The following PLD1 variants were observed in gnomAD, a reference collection of about 807,000 sequenced individuals.
PLD1 encodes phospholipase D1.
A neutral mutation model predicts 137.1 loss-of-function variants in PLD1; 112 were observed. The ratio of observed to expected loss-of-function variants is 0.82; its 90% CI spans 0.70 to 0.96. The LOEUF (loss-of-function observed/expected upper bound fraction) is 0.96, where lower values mean the gene tolerates loss of function less well. PLD1 is among the 40% of genes least tolerant of loss of function. The pLI is 0.00. For synonymous variants in PLD1, 431 were observed against 454.7 expected (o/e 0.95, Z 0.66); for missense variants, 1,321 against 1,342.0 (o/e 0.98, Z 0.24).
intron 16 of PLD1, among the ~76,000 whole-genome samples, chr3:171,680,931 T>C (rs1041425720): frequency 6.6e-6 from 1 of 152,208 alleles, no homozygotes; most frequent in African/African-American, 2.4e-5. Context: ...GTCTCTACTA[T>C]AAACGCTATA....
chr3:171,671,123 C>T (rs1712699984), intron 19 of PLD1, among the ~76,000 whole-genome samples: 1 of 152,206 alleles, frequency 6.6e-6, no homozygotes, highest in African/African-American at 2.4e-5. Flanking sequence ...AATCTTCATA[C>T]CACACCACCT....
At chr3:171,737,739 C>T (rs912642120) in intron 2 of PLD1, 80 bp from the exon 3 acceptor site, 11 of 1,271,492 alleles carry the variant, frequency 8.7e-6, no homozygotes, top group East Asian at 7.1e-5. Context: ...TTAAGAATCA[C>T]GTGTTAAAAC....
chr3:171,674,623 A>T lies in PLD1; in HGVS notation c.2116-10T>A. On this transcript the variant is annotated splice_polypyrimidine_tract_variant and intron_variant, in intron 18 of 26. Coordinates refer to ENST00000351298, the MANE Select transcript of PLD1 (RefSeq NM_002662.5). ...ATTTTGATTTCATAATCTAAAATAA[A>T]GAAAAAGGATAAAATATTCAAATGA... 7.4e-7 allele frequency: 1 copy of T among 1,349,408 alleles called. No individual in the cohort carries two copies. Among genetic ancestry groups the T allele is most frequent in the Non-Finnish European group, 1.1e-6 (1 of 946,498 alleles). The allele number at this position is 1,349,408 out of a possible 1,614,324, so 83.6% of individuals were successfully genotyped here.
intron 11 of PLD1, among the ~76,000 whole-genome samples, chr3:171,707,049 A>T (rs1247539724): frequency 6.6e-6 from 1 of 152,234 alleles, no homozygotes; most frequent in South Asian, 2.1e-4. Flanking sequence ...CATTATCCTT[A>T]GAAAACTAAC....
intron 19 of PLD1, among the ~76,000 whole-genome samples, chr3:171,662,786 C>G (rs1039575635): frequency 1.3e-5 from 2 of 152,190 alleles, no homozygotes; most frequent in African/African-American, 2.4e-5. Flanking sequence ...TGTTCCATGG[C>G]ACGCCACTTT....
intron 1 of PLD1, among the ~76,000 whole-genome samples, chr3:171,769,111 C>T (rs778193255): frequency 2.0e-5 from 3 of 152,084 alleles, no homozygotes; most frequent in Admixed American, 6.6e-5. Flanking sequence ...AACATTTTAA[C>T]GTGTATATTC....
chr3:171,637,742 G>T (rs1246456372), intron 23 of PLD1, among the ~76,000 whole-genome samples: 1 of 152,094 alleles, frequency 6.6e-6, no homozygotes, highest in African/African-American at 2.4e-5. Flanking sequence ...AGGCTATATG[G>T]TATAGATTAT....
intron 21 of PLD1, among the ~76,000 whole-genome samples, chr3:171,656,589 G>C (rs1301851779): frequency 6.6e-6 from 1 of 152,226 alleles, no homozygotes; most frequent in South Asian, 2.1e-4. Flanking sequence ...AAAATACCGG[G>C]GCCAGGCCCC....
intron 1 of PLD1, among the ~76,000 whole-genome samples, chr3:171,800,632 C>T (rs374204050): frequency 4.6e-5 from 7 of 152,340 alleles, no homozygotes; most frequent in East Asian, 3.9e-4. Flanking sequence ...CCAATCTCTA[C>T]TCCAATGCCA....
intron 1 of PLD1, among the ~76,000 whole-genome samples, chr3:171,807,872 A>G (rs1176538967): frequency 1.3e-5 from 2 of 152,258 alleles, no homozygotes; most frequent in African/African-American, 2.4e-5. Flanking sequence ...GTCCATATGC[A>G]TCATAGAATA....
intron 1 of PLD1, among the ~76,000 whole-genome samples, chr3:171,764,962 GAAA>G (rs1163786699): frequency 1.2e-4 from 7 of 56,848 alleles, no homozygotes; most frequent in South Asian, 5.8e-4. Flanking sequence ...AAGAAAGAAA[GAAA>G]GAAAGAAAGA....
chr3:171,626,116 C>T (rs537485100), intron 23 of PLD1, among the ~76,000 whole-genome samples: 86 of 152,148 alleles, frequency 5.7e-4, no homozygotes, highest in Non-Finnish European at 9.1e-4. Context: ...AAAATTCAGA[C>T]GAATGTATAA....
chr3:171,679,281 A>T (rs1713709429), intron 16 of PLD1, among the ~76,000 whole-genome samples: 1 of 152,240 alleles, frequency 6.6e-6, no homozygotes, highest in South Asian at 2.1e-4. Flanking sequence ...AGGCTATTAA[A>T]GTTTTCTACA....
At chr3:171,808,333 G>C (rs1262070837) in intron 1 of PLD1, among the ~76,000 whole-genome samples, 1 of 151,912 alleles carries the variant, frequency 6.6e-6, no homozygotes, top group Non-Finnish European at 1.5e-5. Context: ...TCAGGAAATC[G>C]AGACCATCCT....
intron 1 of PLD1, among the ~76,000 whole-genome samples, chr3:171,797,630 TA>T (rs146816959): frequency 0.12 from 18,673 of 149,990 alleles, 1,218 homozygotes; most frequent in Middle Eastern, 0.21. Context: ...AGGTTGTCTT[TA>T]AAAAAAAAAT....
intron 23 of PLD1, among the ~76,000 whole-genome samples, chr3:171,626,186 C>G (rs189697241): frequency 6.6e-6 from 1 of 152,122 alleles, no homozygotes; most frequent in Admixed American, 6.5e-5. Context: ...AGCCAAGGCT[C>G]GAGAACTACA....
intron 8 of PLD1, among the ~76,000 whole-genome samples, chr3:171,717,230 C>A (rs906472586): frequency 2.0e-5 from 3 of 152,060 alleles, no homozygotes; most frequent in Non-Finnish European, 4.4e-5. Context: ...ATAGTTTTTT[C>A]TAGTTTTGTG....
At chr3:171,723,566 C>A (rs941822966) in intron 8 of PLD1, among the ~76,000 whole-genome samples, 1 of 152,066 alleles carries the variant, frequency 6.6e-6, no homozygotes. Flanking sequence ...CCGTAGTCGT[C>A]GTACTAATTT....
intron 1 of PLD1, among the ~76,000 whole-genome samples, chr3:171,801,461 C>T (rs577965426): frequency 9.6e-4 from 146 of 152,368 alleles, no homozygotes; most frequent in African/African-American, 3.5e-3. Flanking sequence ...CGGAGTCTCG[C>T]TCTGTCACCC....
Sources: gnomAD v4.1 joint callset for allele counts (sites outside exome capture counted in the v4.1 genomes callset) on GRCh38, gnomAD v4.1.1 for gene constraint, MANE v1.5 for transcripts, NCBI Gene and HGNC (gene_info 2026-07-23, HGNC 2026-07-21) for gene names.